VPS52: variants seen among roughly 807,000 people sequenced by gnomAD.
VPS52 encodes vacuolar protein sorting-associated protein 52 homolog.
A neutral mutation model predicts 98.7 loss-of-function variants in VPS52; 56 were observed. That is an observed-to-expected ratio of 0.57 (90% CI 0.46 to 0.71). The LOEUF (loss-of-function observed/expected upper bound fraction) is 0.71, where lower values mean the gene tolerates loss of function less well. VPS52 is among the 30% of genes least tolerant of loss of function. The pLI is 0.00. For missense variants in VPS52, 742 were observed against 925.9 expected, an observed-to-expected ratio of 0.80 and a Z score of 2.58; for synonymous variants, 348 against 346.4, an observed-to-expected ratio of 1.00 and a Z score of -0.05.
In VPS52 at chr6:33,268,154, G is replaced by A. The variant is rs1482191341; in HGVS notation, c.754C>T (p.Pro252Ser). The A allele has an allele frequency of 5.0e-6, 8 of 1,612,924 alleles. No homozygotes were observed. The highest frequency in any genetic ancestry group is 5.9e-6 in the Non-Finnish European group (7 of 1,180,034). ...TGGGGGATCTGATAGTTGGTCATGG[G>A]TTTCCTGAAGGAATAAATCTTCTGG... ...ILQKIYSFRK[P>S]MTNYQIPQTA... The change falls in exon 8 of 20, where the codon CCC (proline) becomes TCC (serine). Residue 252 changes from proline (P) to serine (S), a missense_variant. Physicochemically the swap from Pro to Ser is moderately conservative, Grantham distance 74 (BLOSUM62 -1). Around this residue, in one of 2 missense-constraint regions of VPS52, gnomAD observed 590 missense variants for 793.3 expected, o/e 0.74. Transcript: ENST00000445902. The surrounding 1 kb of genome is among the most constrained non-coding windows in gnomAD (Gnocchi z 4.0).
chr6:33,256,109 A>G lies in VPS52; in HGVS notation c.1795-4138T>C, dbSNP rs556348728. 5.9e-5 allele frequency among the ~76,000 whole-genome samples: 9 copies of G among 152,252 alleles called. No individual in the cohort carries two copies. In the South Asian group the frequency reaches 1.7e-3, roughly 28 times the overall value. ...TTATTTATTCCTAGTAGAACTAAAC[A>G]TACGTATTATACCCACCTAAAAATA... is the stretch of plus-strand genomic sequence containing the variant. On this transcript the variant is annotated intron_variant, in intron 17 of 19. Coordinates refer to ENST00000445902, the MANE Select transcript of VPS52 (RefSeq NM_022553.6).
intron 17 of VPS52, among the ~76,000 whole-genome samples, chr6:33,262,128 G>A (rs764980063): frequency 1.3e-5 from 2 of 149,632 alleles, no homozygotes; most frequent in African/African-American, 2.5e-5. Context: ...CATCCCATCT[G>A]CCAAGGGATT....
Position 33,270,251 on chromosome 6 carries a change from T to C in VPS52, c.123A>G (p.Gln41=). ...AGGPGLQEPL[Q]LGELDITSDE... is the part of the protein sequence containing the mutation. ...CAGAAGTGATATCCAACTCCCCAAG[T>C]TGCAGTGGTTCCTGGAGCCCAGGAC... is the stretch of plus-strand genomic sequence containing the variant. The change falls in exon 2 of 20, where the codon CAA becomes CAG. Residue 41 remains glutamine, a synonymous_variant. Coordinates refer to ENST00000445902, the MANE Select transcript of VPS52 (RefSeq NM_022553.6). 1 of 1,613,388 alleles carries C rather than the reference T, an allele frequency of 6.2e-7. No individual in the cohort carries two copies.
Position 33,268,880 on chromosome 6 carries a change from T to TACCTAA in VPS52, c.548+133_548+134insTTAGGT. On this transcript the variant is annotated intron_variant, in intron 6 of 19. Transcript: ENST00000445902. The surrounding 1 kb of genome is among the most constrained non-coding windows in gnomAD (Gnocchi z 4.0). ...GATGCCTAATGCATACCTAAAGAAA[T>TACCTAA]GGTGGTTAACCTGGCTACTAATTTC... 2 of 1,244,724 alleles carry TACCTAA rather than the reference T, an allele frequency of 1.6e-6. No homozygotes were observed. Among genetic ancestry groups the TACCTAA allele is most frequent in the Non-Finnish European group, 2.2e-6 (2 of 900,146 alleles). 77.1% of individuals were successfully genotyped at this position (1,244,724 alleles called of 1,614,324 possible).
At chr6:33,263,638 G>A in intron 16 of VPS52, 89 bp from the exon 17 acceptor site, 1 of 1,579,570 alleles carries the variant, frequency 6.3e-7, no homozygotes, top group Non-Finnish European at 8.7e-7. Flanking sequence ...ATTGTACTAA[G>A]CTGGACACTG....
chr6:33,271,570 A>C lies in VPS52; in HGVS notation c.90+16T>G. On this transcript the variant is annotated intron_variant, in intron 1 of 19. Transcript: ENST00000445902. The stretch of plus-strand genomic sequence containing the variant: ...AGCACCGGAACTACGGAGGAGAAAC[A>C]GCTCCGCGCTCTCACCAGCGGGCCC... The C allele has an allele frequency of 6.3e-7, 1 of 1,592,100 alleles. No homozygotes were observed. The highest frequency in any genetic ancestry group is 8.6e-7 in the Non-Finnish European group (1 of 1,169,070).
Position 33,267,299 on chromosome 6 carries a change from G to C in VPS52, c.1014C>G (p.Leu338=), listed in dbSNP as rs765132059. 14 of 1,597,558 alleles carry C rather than the reference G, an allele frequency of 8.8e-6. No individual in the cohort carries two copies. The highest frequency in any genetic ancestry group is 1.2e-5 in the Non-Finnish European group (14 of 1,172,642). ...AKKGFFSKPS[L]RSRNTIFTLG... ...GGGTGAAAATGGTGTTCCTGCTGCGGAGCGATGGCTTTGAGAAGAATCGTA... is the reference window on the plus strand; with the variant it reads ...GGGTGAAAATGGTGTTCCTGCTGCGCAGCGATGGCTTTGAGAAGAATCGTA... Residue 338 remains leucine, a synonymous_variant, in exon 11 of 20, where the codon CTC becomes CTG. Transcript: ENST00000445902. The surrounding 1 kb of genome is among the most constrained non-coding windows in gnomAD (Gnocchi z 4.2).
At position 33,263,899 on chromosome 6, in the gene VPS52, G is replaced by A; in HGVS notation, c.1621-20C>T. ...CTCCACCTGAAAAGGCAGAGAGGAA[G>A]AGGTGACACCAGAAAGCAAGGTCAT... On this transcript the variant is annotated intron_variant, in intron 15 of 19. Transcript: ENST00000445902. 6.2e-7 allele frequency: 1 copy of A among 1,614,158 alleles called. No homozygotes were observed. The highest frequency in any genetic ancestry group is 2.2e-5 in the East Asian group (1 of 44,884).
Position 33,271,654 on chromosome 6 carries a change from C to A in VPS52, c.22G>T (p.Ala8Ser), listed in dbSNP as rs1765112162. The change falls in exon 1 of 20, where the codon GCG becomes TCG. Residue 8 changes from alanine (A) to serine (S), a missense_variant. Ala to Ser is a moderately conservative substitution (Grantham distance 99). Transcript: ENST00000445902. The stretch of plus-strand genomic sequence containing the variant: ...AACACCAGTTCCCGGGCCGCAGCCG[C>A]CATGGTCGCAGCGGCGGCCATTCCC... MAAAATM[A>S]AAARELVLRA... 3 of 1,610,156 alleles carry A rather than the reference C, an allele frequency of 1.9e-6. No homozygotes were observed. Among genetic ancestry groups the A allele is most frequent in the Non-Finnish European group, 2.5e-6 (3 of 1,177,886 alleles).
Position 33,264,416 on chromosome 6 carries a change from A to G in VPS52, c.1482T>C (p.Thr494=), listed in dbSNP as rs758653834. The change falls in exon 14 of 20, where the codon ACT becomes ACC. Residue 494 remains threonine (T), a synonymous_variant. Coordinates refer to ENST00000445902, the MANE Select transcript of VPS52 (RefSeq NM_022553.6). The part of the protein sequence containing the change: ...LEMNVQSVRS[T]DPQRLGGLDT... ...CCAACCCCCCTAGGCGCTGGGGGTC[A>G]GTGCTTCGGACGCTCTGAACATTCA... 1.2e-6 allele frequency: 2 copies of G among 1,614,182 alleles called. No homozygotes were observed. The highest frequency in any genetic ancestry group is 3.3e-5 in the Admixed American group (2 of 60,018).
chr6:33,256,152 T>C (rs370459945), intron 17 of VPS52, among the ~76,000 whole-genome samples: 1 of 152,150 alleles, frequency 6.6e-6, no homozygotes, highest in Non-Finnish European at 1.5e-5. Flanking sequence ...CGACTTACAG[T>C]GTCTTTGTGC....
intron 17 of VPS52, among the ~76,000 whole-genome samples, chr6:33,260,846 C>T (rs1197816218): frequency 6.6e-6 from 1 of 151,826 alleles, no homozygotes; most frequent in East Asian, 1.9e-4. Flanking sequence ...ACTAAAAATA[C>T]AAAAATTAGC....
chr6:33,251,615 C>A lies in VPS52; in HGVS notation c.1928G>T (p.Arg643Leu). The change falls in exon 19 of 20, where the codon CGT becomes CTT. Residue 643 changes from arginine (R) to leucine (L), a missense_variant. This residue lies in a region of VPS52 where 590 missense variants were observed against 793.3 expected (regional missense o/e 0.74). Transcript: ENST00000445902. ...TGATTTCCAGGAACTACCAAAGCCACGGATCAGCTGAGTTACCCGGGCTAA... is the reference window on the plus strand; with the variant it reads ...TGATTTCCAGGAACTACCAAAGCCAAGGATCAGCTGAGTTACCCGGGCTAA... Reference protein sequence around the residue: ...GEEARVTQLIRGFGSSWKSSV... With the variant: ...GEEARVTQLILGFGSSWKSSV... 1 of 1,613,802 alleles carries A rather than the reference C, an allele frequency of 6.2e-7. No individual in the cohort carries two copies. The highest frequency in any genetic ancestry group is 8.5e-7 in the Non-Finnish European group (1 of 1,179,826).
chr6:33,267,513 G>A lies in VPS52; in HGVS notation c.991+169C>T, dbSNP rs369269680. 11 of 1,195,352 alleles carry A rather than the reference G, an allele frequency of 9.2e-6. No individual in the cohort carries two copies. The highest frequency in any genetic ancestry group is 7.4e-5 in the South Asian group (5 of 67,770). The allele number at this position is 1,195,352 out of a possible 1,614,324, so 74.0% of individuals were successfully genotyped here. A position where few individuals can be genotyped will look rare whatever the true frequency, so the allele number is the denominator to read the frequency against. The stretch of plus-strand genomic sequence containing the variant: ...CCCTTGCAATCATATGCAAAACTAT[G>A]TGTCAAAATAATGTGTGCATCTTTC... On this transcript the variant is annotated intron_variant, in intron 10 of 19. Coordinates refer to ENST00000445902, the MANE Select transcript of VPS52 (RefSeq NM_022553.6). The surrounding 1 kb of genome is among the most constrained non-coding windows in gnomAD (Gnocchi z 4.2).
chr6:33,256,074 T>G lies in VPS52; in HGVS notation c.1795-4103A>C, dbSNP rs574298638. Among the ~76,000 whole-genome samples the G allele has an allele frequency of 3.3e-5, 5 of 152,112 alleles. No individual in the cohort carries two copies. In the East Asian group the frequency reaches 9.7e-4, roughly 29 times the overall value. ...ACATAAGATGTTAAAGACAAAAAAC[T>G]AGAAAAGATTTATTTATTCCTAGTA... On this transcript the variant is annotated intron_variant, in intron 17 of 19. Transcript: ENST00000445902.
At chr6:33,261,294 C>A (rs376026285) in intron 17 of VPS52, among the ~76,000 whole-genome samples, 7 of 151,736 alleles carry the variant, frequency 4.6e-5, no homozygotes, top group South Asian at 2.1e-4. Context: ...TGGTGAAATC[C>A]CGTCTCTACT....
chr6:33,259,813 CAT>C (rs1441857965), intron 17 of VPS52, among the ~76,000 whole-genome samples: 2 of 151,850 alleles, frequency 1.3e-5, no homozygotes, highest in East Asian at 1.9e-4. Context: ...GATAATACCA[CAT>C]GTTGGAGAAA....
Position 33,268,015 on chromosome 6 carries a change from T to C in VPS52, c.801-18A>G, listed in dbSNP as rs115780604. The stretch of plus-strand genomic sequence containing the variant: ...AGAAGAACCTAGGGGGTCAGGAACA[T>C]GTCAGTCTACCTGTCTCCCAAGAAA... On this transcript the variant is annotated intron_variant, in intron 8 of 19. Coordinates refer to ENST00000445902, the MANE Select transcript of VPS52 (RefSeq NM_022553.6). The surrounding 1 kb of genome is among the most constrained non-coding windows in gnomAD (Gnocchi z 4.0). The C allele has an allele frequency of 1.6e-3, 2,633 of 1,613,002 alleles. 31 individuals are homozygous for C. In the African/African-American group the frequency reaches 0.025, roughly 15 times the overall value.
At chr6:33,264,620 G>A in intron 13 of VPS52, 123 bp from the exon 14 acceptor site, 1 of 1,491,788 alleles carries the variant, frequency 6.7e-7, no homozygotes, top group Non-Finnish European at 9.2e-7. Context: ...GGCAGTGGTT[G>A]GAGAAAGGTG....
Sources: allele counts gnomAD v4.1 joint callset (sites outside exome capture counted in the v4.1 genomes callset), GRCh38; gene constraint gnomAD v4.1.1; regional missense constraint gnomAD v4.1.1; non-coding constraint Gnocchi (gnomAD v3.1); transcripts MANE v1.5; gene names NCBI Gene and HGNC (gene_info 2026-07-23, HGNC 2026-07-21).